PRKCA: variants seen among roughly 807,000 people sequenced by gnomAD.
PRKCA encodes protein kinase C alpha.
In PRKCA, 27 loss-of-function variants were observed where a neutral mutation model predicts 87.0. The ratio of observed to expected loss-of-function variants is 0.31; its 90% CI spans 0.23 to 0.43. The LOEUF (loss-of-function observed/expected upper bound fraction) is 0.43, where lower values mean the gene tolerates loss of function less well. Among genes scored for constraint, PRKCA ranks in the 20% least tolerant of loss-of-function variants. The pLI is 1.00. For missense variants in PRKCA, 518 were observed against 852.3 expected (o/e 0.61, Z 4.88); for synonymous variants, 329 against 311.1 (o/e 1.06, Z -0.61).
intron 3 of PRKCA, among the ~76,000 whole-genome samples, chr17:66,565,398 A>G (rs1968858581): frequency 6.6e-6 from 1 of 152,210 alleles, no homozygotes; most frequent in Non-Finnish European, 1.5e-5. Flanking sequence ...CTCATCCAGC[A>G]ATCCCCAGCA....
chr17:66,566,488 T>TTG (rs1567903288), intron 3 of PRKCA, among the ~76,000 whole-genome samples: 1 of 147,952 alleles, frequency 6.8e-6, no homozygotes, highest in Non-Finnish European at 1.5e-5. Flanking sequence ...TGGTTTTTTT[T>TTG]TTTTTTTTTT....
intron 2 of PRKCA, among the ~76,000 whole-genome samples, chr17:66,462,480 T>G (rs1012697384): frequency 3.3e-5 from 5 of 152,348 alleles, no homozygotes; most frequent in African/African-American, 1.2e-4. Flanking sequence ...TCTTATTGTA[T>G]AAGAAAGCAA....
intron 2 of PRKCA, among the ~76,000 whole-genome samples, chr17:66,489,669 A>G (rs1916149036): frequency 6.6e-6 from 1 of 151,822 alleles, no homozygotes; most frequent in Non-Finnish European, 1.5e-5. Context: ...GCCAGCACTG[A>G]TTTTATTTAG....
At chr17:66,615,907 G>A (rs1970505333) in intron 3 of PRKCA, among the ~76,000 whole-genome samples, 1 of 152,192 alleles carries the variant, frequency 6.6e-6, no homozygotes, top group African/African-American at 2.4e-5. Context: ...AGGACAGGAG[G>A]TGGATCTCTG....
chr17:66,385,574 A>C (rs1910014024), intron 2 of PRKCA, among the ~76,000 whole-genome samples: 1 of 152,246 alleles, frequency 6.6e-6, no homozygotes, highest in African/African-American at 2.4e-5. Context: ...TAAAAATTAA[A>C]AATAGATCCT....
chr17:66,404,111 C>G (rs1911204059), intron 2 of PRKCA: 1 of 152,222 alleles, frequency 6.6e-6, no homozygotes, highest in African/African-American at 2.4e-5. Flanking sequence ...GTTATTCACC[C>G]TGAATCCTCA....
At chr17:66,477,475 G>A (rs1915581963) in intron 2 of PRKCA, among the ~76,000 whole-genome samples, 2 of 152,038 alleles carry the variant, frequency 1.3e-5, no homozygotes, top group South Asian at 2.1e-4. Flanking sequence ...TGAGGCGGGC[G>A]GACCACCTGA....
In PRKCA at chr17:66,354,092, G is replaced by A. The variant is rs113729202; in HGVS notation, c.205+47965G>A. Among the ~76,000 whole-genome samples the A allele has an allele frequency of 3.9e-5, 6 of 152,298 alleles. No individual in the cohort carries two copies. In the East Asian group the frequency reaches 5.8e-4, roughly 15 times the overall value. ...GTCATCTGTTTTGTTGAGAGAGCTCGTGGCTAGGATCGCAGACGCGAACAT... is the reference window on the plus strand; with the variant it reads ...GTCATCTGTTTTGTTGAGAGAGCTCATGGCTAGGATCGCAGACGCGAACAT... On this transcript the variant is annotated intron_variant, in intron 2 of 16. Coordinates refer to ENST00000413366, the MANE Select transcript of PRKCA (RefSeq NM_002737.3).
chr17:66,359,259 G>A (rs2143469806), intron 2 of PRKCA, among the ~76,000 whole-genome samples: 1 of 152,204 alleles, frequency 6.6e-6, no homozygotes, highest in East Asian at 1.9e-4. Flanking sequence ...ACCAACTTTT[G>A]TCACTAATAG....
intron 2 of PRKCA, among the ~76,000 whole-genome samples, chr17:66,446,921 A>G (rs1467538020): frequency 6.6e-6 from 1 of 152,098 alleles, no homozygotes; most frequent in African/African-American, 2.4e-5. Flanking sequence ...GAGCATAAAA[A>G]CTTCTAGCTT....
At chr17:66,649,354 A>G (rs1433128165) in intron 5 of PRKCA, among the ~76,000 whole-genome samples, 1 of 152,224 alleles carries the variant, frequency 6.6e-6, no homozygotes, top group East Asian at 1.9e-4. Context: ...TCATACCAAT[A>G]GCTACCATTT....
At chr17:66,545,739 AT>A (rs1227448271) in intron 3 of PRKCA, among the ~76,000 whole-genome samples, 12 of 152,366 alleles carry the variant, frequency 7.9e-5, no homozygotes, top group Non-Finnish European at 1.8e-4. Context: ...CATTAAAAAA[AT>A]CTGATCATTA....
chr17:66,359,236 ATTC>A (rs1776087823), intron 2 of PRKCA, among the ~76,000 whole-genome samples: 1 of 152,162 alleles, frequency 6.6e-6, no homozygotes, highest in African/African-American at 2.4e-5. Context: ...TTCTCAGAAA[ATTC>A]TTGAGTGGCA....
At chr17:66,786,044 G>A (rs887593495) in intron 14 of PRKCA, among the ~76,000 whole-genome samples, 3 of 152,180 alleles carry the variant, frequency 2.0e-5, no homozygotes, top group Admixed American at 6.5e-5. Flanking sequence ...TAGCCAGGAT[G>A]GTCTCGATCA....
At chr17:66,716,959 GAATACATACTTCATTCACCACCATTGTAT>G (rs150182335) in intron 8 of PRKCA, among the ~76,000 whole-genome samples, 7,865 of 152,246 alleles carry the variant, frequency 0.052, 275 homozygotes, top group East Asian at 0.17. Context: ...TTGCTCTGCT[GAATACATACTTCATTCACCACCATTGTAT>G]GGCTGCAAAA....
chr17:66,397,090 C>T (rs975947647), intron 2 of PRKCA, among the ~76,000 whole-genome samples: 3 of 150,002 alleles, frequency 2.0e-5, no homozygotes, highest in East Asian at 3.9e-4. Flanking sequence ...CTCAGCCTCC[C>T]GAGTAGCTGG....
intron 15 of PRKCA, 193 bp downstream of exon 15, chr17:66,787,167 C>G (rs1269120903): frequency 1.3e-6 from 1 of 765,330 alleles, no homozygotes; most frequent in East Asian, 2.5e-5. Context: ...ATGGATTAGT[C>G]TTGGCCTGTT....
chr17:66,607,761 C>T (rs993956644), intron 3 of PRKCA, among the ~76,000 whole-genome samples: 1 of 151,888 alleles, frequency 6.6e-6, no homozygotes, highest in African/African-American at 2.4e-5. Context: ...AGTCAGATTC[C>T]AACGTGCAGG....
At chr17:66,331,723 A>G (rs1837779859) in intron 2 of PRKCA, among the ~76,000 whole-genome samples, 1 of 152,172 alleles carries the variant, frequency 6.6e-6, no homozygotes, top group African/African-American at 2.4e-5. Flanking sequence ...AGAGGTGGGG[A>G]CAGGGGAAGT....
Sources: allele counts gnomAD v4.1 joint callset (sites outside exome capture counted in the v4.1 genomes callset), GRCh38; gene constraint gnomAD v4.1.1; transcripts MANE v1.5; gene names NCBI Gene and HGNC (gene_info 2026-07-23, HGNC 2026-07-21).